CHL1: variants seen among roughly 807,000 people sequenced by gnomAD.
The protein encoded by CHL1 is cell adhesion molecule L1 like.
CHL1 carries 96 observed loss-of-function variants against 141.9 expected under a neutral mutation model. The observed-to-expected ratio is 0.68, with a 90% CI of 0.57 to 0.80. The LOEUF is 0.80. Ranked by LOEUF, CHL1 falls within the 30% of genes least tolerant of loss-of-function variation. The pLI is 0.00. For synonymous variants in CHL1, 613 were observed against 502.2 expected (o/e 1.22, Z -2.95); for missense variants, 1,820 against 1,457.2 (o/e 1.25, Z -4.05).
At chr3:231,575 C>CTTTTT (rs5845954) in intron 1 of CHL1, among the ~76,000 whole-genome samples, 4 of 100,562 alleles carry the variant, frequency 4.0e-5, no homozygotes, top group East Asian at 2.9e-4. Flanking sequence ...TTATTTCTTC[C>CTTTTT]TTTTTTTTTT....
intron 10 of CHL1, among the ~76,000 whole-genome samples, chr3:352,111 A>G (rs1703317932): frequency 6.6e-6 from 1 of 152,200 alleles, no homozygotes; most frequent in Non-Finnish European, 1.5e-5. Context: ...GAGCCATAGT[A>G]TAATCCAAAA....
chr3:395,477 G>A (rs747304666), intron 24 of CHL1, among the ~76,000 whole-genome samples: 7 of 152,114 alleles, frequency 4.6e-5, no homozygotes, highest in African/African-American at 7.2e-5. Context: ...TGCATCTCCA[G>A]TTATGATTTT....
At chr3:232,868 T>C (rs1046937698) in intron 1 of CHL1, among the ~76,000 whole-genome samples, 5 of 152,158 alleles carry the variant, frequency 3.3e-5, no homozygotes, top group African/African-American at 1.2e-4. Flanking sequence ...TCTAGAATTT[T>C]CTCTGTTACT....
intron 5 of CHL1, among the ~76,000 whole-genome samples, chr3:334,510 C>T (rs150903285): frequency 6.6e-6 from 1 of 152,304 alleles, no homozygotes; most frequent in East Asian, 1.9e-4. Flanking sequence ...CTTTTCTGGA[C>T]ATTTCATATA....
At chr3:358,852 CGATT>C (rs915709589) in intron 11 of CHL1, among the ~76,000 whole-genome samples, 1 of 151,412 alleles carries the variant, frequency 6.6e-6, no homozygotes, top group African/African-American at 2.4e-5. Flanking sequence ...AAGTAGAATT[CGATT>C]GATTATTAAT....
At chr3:386,854 A>AT (rs1425237290) in intron 19 of CHL1, among the ~76,000 whole-genome samples, 3 of 152,192 alleles carry the variant, frequency 2.0e-5, no homozygotes, top group African/African-American at 7.2e-5. Flanking sequence ...GTAGATAACA[A>AT]TGTATTGTAT....
intron 1 of CHL1, among the ~76,000 whole-genome samples, chr3:205,527 A>C (rs1041212216): frequency 2.6e-5 from 4 of 152,198 alleles, no homozygotes; most frequent in Non-Finnish European, 4.4e-5. Context: ...GAAAAATTGA[A>C]AATGTTACCA....
At chr3:360,734 G>T (rs1242113976) in intron 12 of CHL1, among the ~76,000 whole-genome samples, 45 of 53,170 alleles carry the variant, frequency 8.5e-4, no homozygotes, top group East Asian at 6.3e-3. Context: ...ATGCTATCCC[G>T]CCCCCCCTCC....
intron 1 of CHL1, among the ~76,000 whole-genome samples, chr3:237,953 T>C (rs1692154451): frequency 6.6e-6 from 1 of 152,196 alleles, no homozygotes; most frequent in African/African-American, 2.4e-5. Flanking sequence ...ACATTGCCTA[T>C]ATAAGGTTTT....
chr3:277,143 C>T (rs1309554806), intron 2 of CHL1, among the ~76,000 whole-genome samples: 1 of 152,092 alleles, frequency 6.6e-6, no homozygotes, highest in Non-Finnish European at 1.5e-5. Flanking sequence ...GTGTTTGTTA[C>T]ATGAGTATTC....
chr3:390,816 G>A lies in CHL1; in HGVS notation c.2586G>A (p.Gln862=). The A allele has an allele frequency of 6.3e-7, 1 of 1,584,156 alleles. No homozygotes were observed. Among genetic ancestry groups the A allele is most frequent in the Non-Finnish European group, 8.7e-7 (1 of 1,153,364 alleles). Residue 862 remains glutamine, a splice_region_variant and synonymous_variant, in exon 21 of 28, where the codon CAG becomes CAA. Coordinates refer to ENST00000256509, the MANE Select transcript of CHL1 (RefSeq NM_006614.4). ...DRVHGRLKGY[Q]INWWKTKSLL... ...TACATGGACGTCTGAAAGGCTATCA[G>A]GTTTTTATCATCATGGTTTTTCCTC...
intron 2 of CHL1, among the ~76,000 whole-genome samples, chr3:283,702 A>G (rs1696864020): frequency 6.6e-6 from 1 of 152,200 alleles, no homozygotes; most frequent in South Asian, 2.1e-4. Flanking sequence ...TAACTACCCC[A>G]TGGGTACATA....
In CHL1 at chr3:383,873, T is replaced by C. The variant is rs1707354050; in HGVS notation, c.2234T>C (p.Ile745Thr). Residue 745 changes from isoleucine to threonine, a missense_variant, in exon 19 of 28, where the codon ATT becomes ACT. Transcript: ENST00000256509. Reference protein sequence around the residue: ...RVQASQPKEMIIKWEPLKSME... With the variant: ...RVQASQPKEMTIKWEPLKSME... Reference sequence around the variant, plus strand: ...CAAGCCTCTCAACCCAAGGAAATGATTATAAAGTGGGAGGTGTGTATTTCT... The same window carrying C: ...CAAGCCTCTCAACCCAAGGAAATGACTATAAAGTGGGAGGTGTGTATTTCT... 2.5e-6 allele frequency: 4 copies of C among 1,608,396 alleles called. No homozygotes were observed. Among genetic ancestry groups the C allele is most frequent in the African/African-American group, 1.3e-5 (1 of 74,786 alleles).
intron 5 of CHL1, among the ~76,000 whole-genome samples, chr3:331,977 T>A (rs541357357): frequency 1.6e-4 from 25 of 152,346 alleles, no homozygotes; most frequent in African/African-American, 5.3e-4. Context: ...CCACTACTGA[T>A]GACAGTCCAG....
At chr3:228,271 A>T (rs1701539140) in intron 1 of CHL1, among the ~76,000 whole-genome samples, 1 of 152,236 alleles carries the variant, frequency 6.6e-6, no homozygotes, top group African/African-American at 2.4e-5. Flanking sequence ...TACCCAGGTG[A>T]TGTGCTTTTC....
intron 1 of CHL1, among the ~76,000 whole-genome samples, chr3:201,780 C>A (rs553964067): frequency 4.6e-5 from 7 of 152,240 alleles, no homozygotes; most frequent in African/African-American, 1.7e-4. Flanking sequence ...ATTCTCCCTT[C>A]TAATGTTTGT....
chr3:205,544 T>C (rs1307169093), intron 1 of CHL1, among the ~76,000 whole-genome samples: 1 of 152,214 alleles, frequency 6.6e-6, no homozygotes. Context: ...ACCAGTTATA[T>C]TTTGAGAGTT....
intron 2 of CHL1, among the ~76,000 whole-genome samples, chr3:276,569 A>G (rs1415405385): frequency 6.6e-6 from 1 of 152,148 alleles, no homozygotes; most frequent in Non-Finnish European, 1.5e-5. Context: ...AAAGACTTCA[A>G]TGGCAGCATG....
At chr3:270,679 G>T (rs146831697) in intron 2 of CHL1, among the ~76,000 whole-genome samples, 77 of 152,336 alleles carry the variant, frequency 5.1e-4, no homozygotes, top group African/African-American at 1.8e-3. Flanking sequence ...TGTGGATTAA[G>T]AATATAGAGA....
Sources: gnomAD v4.1 joint callset for allele counts (sites outside exome capture counted in the v4.1 genomes callset) on GRCh38, gnomAD v4.1.1 for gene constraint, MANE v1.5 for transcripts, NCBI Gene and HGNC (gene_info 2026-07-23, HGNC 2026-07-21) for gene names.